MTCL2: variants seen among roughly 807,000 people sequenced by gnomAD.
MTCL2 encodes microtubule crosslinking factor 2, also known as microtubule cross-linking factor 2.
chr20:36,861,067 C>T, the MTCL2 span, among the ~76,000 whole-genome samples: 1 of 152,184 alleles, frequency 6.6e-6, no homozygotes, highest in Non-Finnish European at 1.5e-5. Context: ...GCTCTGCAAC[C>T]CATCCCCCTT....
chr20:36,788,850 A>G, the MTCL2 span, among the ~76,000 whole-genome samples: 1 of 138,382 alleles, frequency 7.2e-6, no homozygotes, highest in Non-Finnish European at 1.5e-5. Flanking sequence ...CTTGTTGCCC[A>G]GGCTGGAGTG....
chr20:36,823,264 C>T, the MTCL2 span, among the ~76,000 whole-genome samples: 3 of 152,174 alleles, frequency 2.0e-5, no homozygotes, highest in Non-Finnish European at 4.4e-5. Flanking sequence ...GCCAACTGCA[C>T]GTGAAGATTG....
At chr20:36,817,425 A>G in the MTCL2 span, 3 of 1,593,600 alleles carry the variant, frequency 1.9e-6, no homozygotes, top group Admixed American at 5.3e-5. Flanking sequence ...AAGTCTTCTT[A>G]TCGGCCTTCC....
chr20:36,854,287 A>G, the MTCL2 span, among the ~76,000 whole-genome samples: 1 of 152,158 alleles, frequency 6.6e-6, no homozygotes, highest in Non-Finnish European at 1.5e-5. Context: ...TCATGCAGGG[A>G]AAGGTGGGGC....
At chr20:36,791,047 T>G in the MTCL2 span, among the ~76,000 whole-genome samples, 1 of 151,724 alleles carries the variant, frequency 6.6e-6, no homozygotes, top group Admixed American at 6.6e-5. Flanking sequence ...TTTTTTTTTT[T>G]GTGTGGAGAT....
the MTCL2 span, among the ~76,000 whole-genome samples, chr20:36,848,684 G>C: frequency 6.6e-6 from 1 of 152,200 alleles, no homozygotes; most frequent in Admixed American, 6.5e-5. Flanking sequence ...CCTCCAAGCA[G>C]GACTCAAAGT....
chr20:36,823,530 G>A, the MTCL2 span, among the ~76,000 whole-genome samples: 4 of 152,140 alleles, frequency 2.6e-5, no homozygotes, highest in South Asian at 8.3e-4. Flanking sequence ...AACTAGGCTG[G>A]GTACGATGGC....
At chr20:36,800,171 C>T in the MTCL2 span, among the ~76,000 whole-genome samples, 2 of 152,170 alleles carry the variant, frequency 1.3e-5, no homozygotes, top group African/African-American at 4.8e-5. Flanking sequence ...GATGTGAGAA[C>T]AACAGCAGAA....
At chr20:36,851,510 C>T in the MTCL2 span, among the ~76,000 whole-genome samples, 2 of 152,190 alleles carry the variant, frequency 1.3e-5, no homozygotes, top group African/African-American at 4.8e-5. Context: ...CCTCACCTGT[C>T]CCACCTCAAA....
chr20:36,792,991 G>A, the MTCL2 span, among the ~76,000 whole-genome samples: 4 of 151,690 alleles, frequency 2.6e-5, no homozygotes, highest in Admixed American at 6.6e-5. Context: ...TGCAACTTCC[G>A]CCTACTGGGT....
the MTCL2 span, among the ~76,000 whole-genome samples, chr20:36,814,199 A>G: frequency 6.6e-6 from 1 of 152,204 alleles, no homozygotes; most frequent in Non-Finnish European, 1.5e-5. Context: ...GGGGAATCAT[A>G]TCTGTTTTTG....
the MTCL2 span, among the ~76,000 whole-genome samples, chr20:36,853,932 A>G: frequency 6.6e-6 from 1 of 152,200 alleles, no homozygotes; most frequent in Non-Finnish European, 1.5e-5. Flanking sequence ...ACAGGAAGGA[A>G]GGCAGCATCT....
chr20:36,807,716 G>A, the MTCL2 span, among the ~76,000 whole-genome samples: 1 of 151,958 alleles, frequency 6.6e-6, no homozygotes, highest in African/African-American at 2.4e-5. Flanking sequence ...TTTTAAGCCA[G>A]CCTACTCCCT....
At chr20:36,790,560 G>A in the MTCL2 span, among the ~76,000 whole-genome samples, 2 of 149,824 alleles carry the variant, frequency 1.3e-5, no homozygotes, top group Admixed American at 6.7e-5. Flanking sequence ...TCAGCCTCCC[G>A]AGTAGCTGGG....
chr20:36,793,435 C>A, the MTCL2 span: 4 of 1,551,224 alleles, frequency 2.6e-6, no homozygotes, highest in Non-Finnish European at 3.5e-6. This position sits in a 1 kb window ranked among gnomAD's most constrained non-coding sequence, Gnocchi z 6.8. Context: ...TCTTGGTGCC[C>A]TCCTCTCCTG....
At chr20:36,816,518 C>G in the MTCL2 span, among the ~76,000 whole-genome samples, 2 of 151,948 alleles carry the variant, frequency 1.3e-5, no homozygotes, top group Admixed American at 1.3e-4. Flanking sequence ...CCTGGGAGTA[C>G]AGGAACAGGT....
chr20:36,857,391 CTGAG>C, the MTCL2 span, among the ~76,000 whole-genome samples: 1 of 152,112 alleles, frequency 6.6e-6, no homozygotes, highest in African/African-American at 2.4e-5. Context: ...GTGCACTTCT[CTGAG>C]TGAGTATCCT....
At chr20:36,791,758 C>G in the MTCL2 span, among the ~76,000 whole-genome samples, 3 of 152,184 alleles carry the variant, frequency 2.0e-5, no homozygotes, top group East Asian at 5.8e-4. Flanking sequence ...GCAAATGCAA[C>G]AGAGAGAGAA....
the MTCL2 span, chr20:36,804,655 T>C: frequency 6.5e-7 from 1 of 1,548,340 alleles, no homozygotes; most frequent in Non-Finnish European, 8.8e-7. Context: ...AGCATGGCCT[T>C]GGTATTCTAC....
Sources: gnomAD v4.1 joint callset for allele counts (sites outside exome capture counted in the v4.1 genomes callset) on GRCh38, gnomAD v4.1.1 for gene constraint, Gnocchi (gnomAD v3.1) non-coding constraint, MANE v1.5 for transcripts, NCBI Gene and HGNC (gene_info 2026-07-23, HGNC 2026-07-21) for gene names.